Variants in C1QTNF2 observed in about 807,000 individuals in gnomAD.
C1QTNF2 encodes complement C1q tumor necrosis factor-related protein 2.
A neutral mutation model predicts 17.4 loss-of-function variants in C1QTNF2; 15 were observed. That is an observed-to-expected ratio of 0.86 (90% CI 0.58 to 1.33). The LOEUF (loss-of-function observed/expected upper bound fraction) is 1.33. C1QTNF2 is among the 40% of genes most tolerant of loss of function. The pLI is 0.00. For synonymous variants in C1QTNF2, 154 were observed against 163.3 expected (o/e 0.94, Z 0.44); for missense variants, 381 against 392.3 (o/e 0.97, Z 0.24).
Position 160,370,562 on chromosome 5 carries a change from G to A in C1QTNF2, c.-60C>T. The stretch of plus-strand genomic sequence containing the variant: ...GGGCGTCCGGAGCAAAGAAGCTCTC[G>A]GCGGGGCTCCGCGTCCCGGCTTTCC... On this transcript the variant is annotated 5_prime_UTR_variant, in exon 1 of 3. Transcript: ENST00000652664. 1 of 1,449,898 alleles carries A rather than the reference G, an allele frequency of 6.9e-7. No individual in the cohort carries two copies. Among genetic ancestry groups the A allele is most frequent in the Non-Finnish European group, 9.0e-7 (1 of 1,109,144 alleles). The allele number at this position is 1,449,898 out of a possible 1,614,324, so 89.8% of individuals were successfully genotyped here.
At chr5:160,351,901 A>G (rs1319685400) in intron 2 of C1QTNF2, among the ~76,000 whole-genome samples, 1 of 150,208 alleles carries the variant, frequency 6.7e-6, no homozygotes, top group Non-Finnish European at 1.5e-5. Context: ...AGAGGAATAG[A>G]GACAGAATCT....
Position 160,348,888 on chromosome 5 carries a change from C to T in C1QTNF2, c.*280G>A. On this transcript the variant is annotated 3_prime_UTR_variant, in exon 3 of 3. Coordinates refer to ENST00000652664, the MANE Select transcript of C1QTNF2 (RefSeq NM_031908.6). The stretch of plus-strand genomic sequence containing the variant: ...GTATCTCCTGCTAGAATGTAAGCTG[C>T]ATGAGGACAGATACTCTGTCTTGTC... 2.7e-6 allele frequency: 1 copy of T among 371,126 alleles called. No individual in the cohort carries two copies. Among genetic ancestry groups the T allele is most frequent in the Non-Finnish European group, 4.8e-6 (1 of 206,980 alleles). The allele number at this position is 371,126 out of a possible 1,614,324, so 23.0% of individuals were successfully genotyped here. A position where few individuals can be genotyped will look rare whatever the true frequency, so the allele number is the denominator to read the frequency against.
intron 1 of C1QTNF2, among the ~76,000 whole-genome samples, chr5:160,364,814 GTGTCTGTGC>G (rs1764217379): frequency 7.0e-6 from 1 of 143,726 alleles, no homozygotes; most frequent in African/African-American, 3.0e-5. Context: ...GCCACCTGGC[GTGTCTGTGC>G]TCCATAATAC....
intron 1 of C1QTNF2, among the ~76,000 whole-genome samples, chr5:160,358,303 A>G (rs1026053967): frequency 2.0e-5 from 3 of 152,122 alleles, no homozygotes; most frequent in African/African-American, 7.2e-5. Context: ...ACCTCCAAGA[A>G]AAACAAGGCT....
chr5:160,360,947 A>G (rs1764143066), intron 1 of C1QTNF2, among the ~76,000 whole-genome samples: 1 of 152,052 alleles, frequency 6.6e-6, no homozygotes, highest in African/African-American at 2.4e-5. Flanking sequence ...GGTGCGCACC[A>G]CCATGCCCGG....
chr5:160,351,119 A>T (rs1405310176), intron 2 of C1QTNF2, among the ~76,000 whole-genome samples: 1 of 152,226 alleles, frequency 6.6e-6, no homozygotes, highest in African/African-American at 2.4e-5. Context: ...AAACATTCCT[A>T]AATACTAGCT....
chr5:160,360,483 C>G (rs764627654), intron 1 of C1QTNF2, among the ~76,000 whole-genome samples: 29 of 152,268 alleles, frequency 1.9e-4, no homozygotes, highest in Non-Finnish European at 3.4e-4. Flanking sequence ...TCCCTCCTTG[C>G]TTTTGACCCC....
rs368748511 is a variant in C1QTNF2 at position 160,349,757 on chromosome 5, C to T, written c.269G>A (p.Arg90Gln). The change falls in exon 3 of 3, where the codon CGG becomes CAG. Residue 90 changes from arginine to glutamine, a missense_variant. Coordinates refer to ENST00000652664, the MANE Select transcript of C1QTNF2 (RefSeq NM_031908.6). The surrounding 1 kb of genome is among the most constrained non-coding windows in gnomAD (Gnocchi z 4.3). ...TTTGCCCTTTGGTCCTGGCTTTCCC[C>T]GGTTACCTGTCCGGCCAGGTGGACC... ...EEGPPGRTGNRGKPGPKGKAG... is the reference protein window; with the variant it reads ...EEGPPGRTGNQGKPGPKGKAG... 5.2e-5 allele frequency: 79 copies of T among 1,530,560 alleles called. No homozygotes were observed. The African/African-American group carries it at 6.6e-4, about 13-fold the overall frequency. 94.8% of individuals were successfully genotyped at this position (1,530,560 alleles called of 1,614,324 possible).
intron 2 of C1QTNF2, among the ~76,000 whole-genome samples, 171 bp downstream of exon 2, chr5:160,354,597 A>AATATATATATATAT (rs769774870): frequency 1.9e-4 from 17 of 89,304 alleles, no homozygotes; most frequent in South Asian, 4.4e-4. Flanking sequence ...AAAAAAAAAA[A>AATATATATATATAT]GTATATATAT....
intron 1 of C1QTNF2, 47 bp downstream of exon 1, chr5:160,370,465 C>A: frequency 7.2e-7 from 1 of 1,390,312 alleles, no homozygotes; most frequent in East Asian, 3.0e-5. Context: ...CTCCTCCTCC[C>A]CGCGCGCACT....
chr5:160,358,396 C>T (rs767020342), intron 1 of C1QTNF2, among the ~76,000 whole-genome samples: 5 of 152,206 alleles, frequency 3.3e-5, no homozygotes, highest in Non-Finnish European at 7.4e-5. Flanking sequence ...GCCTGGGGGG[C>T]AGGGTGCTTA....
chr5:160,359,664 A>G (rs530650502), intron 1 of C1QTNF2, among the ~76,000 whole-genome samples: 2 of 152,276 alleles, frequency 1.3e-5, no homozygotes, highest in African/African-American at 4.8e-5. Flanking sequence ...GTCCTTTGAG[A>G]GGCCCACACT....
At chr5:160,368,804 G>A (rs1764294176) in intron 1 of C1QTNF2, among the ~76,000 whole-genome samples, 1 of 152,074 alleles carries the variant, frequency 6.6e-6, no homozygotes. Context: ...ACAGGGGGGA[G>A]GAATAGGGAG....
intron 2 of C1QTNF2, among the ~76,000 whole-genome samples, chr5:160,351,015 G>T (rs1180638471): frequency 6.6e-6 from 1 of 152,194 alleles, no homozygotes; most frequent in Non-Finnish European, 1.5e-5. Context: ...CTCCCAAAGT[G>T]CTGGGATTAC....
At chr5:160,369,099 T>G (rs542233631) in intron 1 of C1QTNF2, among the ~76,000 whole-genome samples, 1 of 151,840 alleles carries the variant, frequency 6.6e-6, no homozygotes, top group African/African-American at 2.4e-5. Context: ...AGTATATATA[T>G]GTACAGAAGG....
rs762623881 is a variant in C1QTNF2, at chr5:160,348,835, A to G, written c.*333T>C. ...TTCATTTCTATCCTGGCATAATATT[A>G]TATTATTTGCTTGTATATTTGTAAA... On this transcript the variant is annotated 3_prime_UTR_variant, in exon 3 of 3. Coordinates refer to ENST00000652664, the MANE Select transcript of C1QTNF2 (RefSeq NM_031908.6). The G allele has an allele frequency of 4.9e-5, 11 of 223,456 alleles. No individual in the cohort carries two copies. Among genetic ancestry groups the G allele is most frequent in the African/African-American group, 6.8e-5 (3 of 44,214 alleles). The allele number at this position is 223,456 out of a possible 1,614,324, so 13.8% of individuals were successfully genotyped here. A position where few individuals can be genotyped will look rare whatever the true frequency, so the allele number is the denominator to read the frequency against.
chr5:160,361,197 C>T (rs999786500), intron 1 of C1QTNF2, among the ~76,000 whole-genome samples: 9 of 152,288 alleles, frequency 5.9e-5, no homozygotes, highest in African/African-American at 1.7e-4. Flanking sequence ...TCTAGAAAAG[C>T]GCTAGGAGCT....
At chr5:160,366,257 T>C (rs1764245939) in intron 1 of C1QTNF2, among the ~76,000 whole-genome samples, 1 of 152,244 alleles carries the variant, frequency 6.6e-6, no homozygotes, top group African/African-American at 2.4e-5. Flanking sequence ...TTTGAATTAT[T>C]TGAGGTCTTT....
At chr5:160,364,492 G>A (rs983345872) in intron 1 of C1QTNF2, among the ~76,000 whole-genome samples, 5 of 152,148 alleles carry the variant, frequency 3.3e-5, no homozygotes, top group Non-Finnish European at 2.9e-5. Flanking sequence ...TTGCCCTTCC[G>A]AAAATCAAAC....
Sources: allele counts gnomAD v4.1 joint callset (sites outside exome capture counted in the v4.1 genomes callset), GRCh38; gene constraint gnomAD v4.1.1; non-coding constraint Gnocchi (gnomAD v3.1); transcripts MANE v1.5; gene names NCBI Gene and HGNC (gene_info 2026-07-23, HGNC 2026-07-21).